Variants in COPS3 observed in about 807,000 individuals in gnomAD.
The protein encoded by COPS3 is COP9 signalosome complex subunit 3.
A neutral mutation model predicts 58.2 loss-of-function variants in COPS3; 10 were observed. That is an observed-to-expected ratio of 0.17 (90% CI 0.11 to 0.29). COPS3 has a LOEUF of 0.29. COPS3 is among the 10% of genes least tolerant of loss of function. The pLI, the probability that COPS3 is intolerant of heterozygous loss-of-function variation, is 1.00. For synonymous variants in COPS3, 187 were observed against 181.7 expected, an observed-to-expected ratio of 1.03 and a Z score of -0.24; for missense variants, 333 against 510.1, an observed-to-expected ratio of 0.65 and a Z score of 3.34.
At position 17,269,503 on chromosome 17, in the gene COPS3, C is replaced by T. The variant is rs139636550; in HGVS notation, c.348+1255G>A. 8.7e-3 allele frequency among the ~76,000 whole-genome samples: 1,318 copies of T among 151,786 alleles called. 20 individuals carry two copies. Among genetic ancestry groups the T allele is most frequent in the African/African-American group, 0.029 (1,190 of 41,396 alleles). Reference sequence around the variant, plus strand: ...CCCAGCTACTCAGGAGGCTGAGGCACGAGAATCGCCTGAAGCTGGAAGGTG... The same window carrying T: ...CCCAGCTACTCAGGAGGCTGAGGCATGAGAATCGCCTGAAGCTGGAAGGTG... On this transcript the variant is annotated intron_variant, in intron 4 of 11. Transcript: ENST00000268717.
chr17:17,278,633 C>A (rs140188299), intron 1 of COPS3, among the ~76,000 whole-genome samples: 65 of 152,176 alleles, frequency 4.3e-4, no homozygotes, highest in African/African-American at 1.5e-3. Context: ...CTTTGTAAAC[C>A]ATTACTCTAA....
chr17:17,269,296 G>T (rs1246466702), intron 4 of COPS3, among the ~76,000 whole-genome samples: 9 of 152,164 alleles, frequency 5.9e-5, no homozygotes, highest in Admixed American at 5.9e-4. Context: ...ATGGTGTCAG[G>T]CACCTGTAAT....
chr17:17,277,874 C>T (rs1043374066), intron 1 of COPS3, among the ~76,000 whole-genome samples: 1 of 151,890 alleles, frequency 6.6e-6, no homozygotes, highest in African/African-American at 2.4e-5. Flanking sequence ...TGGCTCACAC[C>T]TGTAATCCCA....
intron 2 of COPS3, among the ~76,000 whole-genome samples, chr17:17,274,426 C>T (rs376415028): frequency 7.8e-5 from 11 of 141,542 alleles, no homozygotes; most frequent in Middle Eastern, 3.8e-3. Context: ...ATTAGCTTTT[C>T]TTTTTTTTTT....
In COPS3 at chr17:17,276,065, T is replaced by C. The variant is rs370354020; in HGVS notation, c.155A>G (p.Gln52Arg). ...AGCAAGGACGCCCAAGGAGTGTTCT[T>C]GTACATCCAGAGCCCCGAGCACAGT... is the stretch of plus-strand genomic sequence containing the variant. ...LDTVLGALDV[Q>R]EHSLGVLAVL... The change falls in exon 2 of 12, where the codon CAA (glutamine) becomes CGA (arginine). Residue 52 changes from glutamine (Q) to arginine (R), a missense_variant. Coordinates refer to ENST00000268717, the MANE Select transcript of COPS3 (RefSeq NM_003653.4). 3 of 1,614,134 alleles carry C rather than the reference T, an allele frequency of 1.9e-6. No homozygotes were observed.
intron 2 of COPS3, among the ~76,000 whole-genome samples, chr17:17,272,967 G>A (rs918020675): frequency 2.0e-5 from 3 of 152,190 alleles, no homozygotes; most frequent in African/African-American, 7.2e-5. Flanking sequence ...ACAAATTTAA[G>A]CTATTTAAGA....
At chr17:17,278,948 C>T (rs2145268623) in intron 1 of COPS3, among the ~76,000 whole-genome samples, 1 of 151,008 alleles carries the variant, frequency 6.6e-6, no homozygotes, top group East Asian at 1.9e-4. Flanking sequence ...GATCTTGGCT[C>T]ACTGCAAGCT....
intron 8 of COPS3, among the ~76,000 whole-genome samples, chr17:17,259,939 G>A (rs1481367871): frequency 6.6e-6 from 1 of 151,492 alleles, no homozygotes; most frequent in Non-Finnish European, 1.5e-5. Context: ...AGCACAGACA[G>A]AACAGACAGG....
intron 4 of COPS3, among the ~76,000 whole-genome samples, chr17:17,270,198 A>G (rs1567859496): frequency 6.6e-6 from 1 of 152,028 alleles, no homozygotes; most frequent in African/African-American, 2.4e-5. Flanking sequence ...GATGCTGACC[A>G]TTACACTATA....
At position 17,281,139 on chromosome 17, in the gene COPS3, T is replaced by G; in HGVS notation, c.48A>C (p.Ser16=). The G allele has an allele frequency of 6.2e-7, 1 of 1,610,566 alleles. No individual in the cohort carries two copies. Among genetic ancestry groups the G allele is most frequent in the Non-Finnish European group, 8.5e-7 (1 of 1,178,618 alleles). The change falls in exon 1 of 12, where the codon TCA becomes TCC. Residue 16 remains serine (S), a synonymous_variant. Transcript: ENST00000268717. ...EQFVNSVRQL[S]AQGQMTQLCE... is the part of the protein sequence containing the mutation. Reference sequence around the variant, plus strand: ...GGCGGCCTAGGGCGTTACCTTGAGCTGAGAGCTGTCGGACACTGTTCACGA... The same window carrying G: ...GGCGGCCTAGGGCGTTACCTTGAGCGGAGAGCTGTCGGACACTGTTCACGA...
rs542782793 is a variant in COPS3, at chr17:17,265,460, G to A, written c.442-479C>T. On this transcript the variant is annotated intron_variant, in intron 5 of 11. Coordinates refer to ENST00000268717, the MANE Select transcript of COPS3 (RefSeq NM_003653.4). ...GTCACACAGGCTGGAGTGCAGTGGCGTCATCTCAGCTCACTGCAACCTCCA... is the reference window on the plus strand; with the variant it reads ...GTCACACAGGCTGGAGTGCAGTGGCATCATCTCAGCTCACTGCAACCTCCA... Among the ~76,000 whole-genome samples the A allele has an allele frequency of 2.7e-5, 4 of 150,330 alleles. No homozygotes were observed. The East Asian group carries it at 5.9e-4, about 22-fold the overall frequency.
chr17:17,254,873 A>G lies in COPS3; in HGVS notation c.1009T>C (p.Tyr337His). Residue 337 changes from tyrosine (Y) to histidine (H), a missense_variant, in exon 9 of 12, where the codon TAC becomes CAC. Physicochemically the swap from Tyr to His is moderately conservative, Grantham distance 83. Transcript: ENST00000268717. ...AATCCACTTACCATGTGCAGAACGT[A>G]TTTCTCTGCCTCCTGAGGTCCAGAC... ...QLSGPQEAEK[Y>H]VLHMIEDGEI... The G allele has an allele frequency of 1.2e-6, 2 of 1,605,862 alleles. No homozygotes were observed. The highest frequency in any genetic ancestry group is 8.5e-7 in the Non-Finnish European group (1 of 1,173,280).
intron 5 of COPS3, among the ~76,000 whole-genome samples, chr17:17,267,635 C>CAA (rs553294077): frequency 0.012 from 1,263 of 106,952 alleles, 21 homozygotes; most frequent in Admixed American, 0.039. Context: ...GAGACTGTCT[C>CAA]AAAAAAAAAA....
At chr17:17,250,111 T>C (rs565310831) in intron 9 of COPS3, among the ~76,000 whole-genome samples, 1 of 152,276 alleles carries the variant, frequency 6.6e-6, no homozygotes, top group South Asian at 2.1e-4. Flanking sequence ...TGTTCTTGTC[T>C]CGTATGGATT....
Position 17,247,020 on chromosome 17 carries a change from C to G in COPS3, c.*78G>C, listed in dbSNP as rs908657921. On this transcript the variant is annotated 3_prime_UTR_variant, in exon 12 of 12. Coordinates refer to ENST00000268717, the MANE Select transcript of COPS3 (RefSeq NM_003653.4). ...AGTCTCCAGGTGACACAGGCTTGGT[C>G]CTCTCTGCTGCCCTCCGAACACTTG... 7.8e-7 allele frequency: 1 copy of G among 1,288,298 alleles called. No individual in the cohort carries two copies. The highest frequency in any genetic ancestry group is 1.1e-6 in the Non-Finnish European group (1 of 883,162). The allele number at this position is 1,288,298 out of a possible 1,614,324, so 79.8% of individuals were successfully genotyped here.
intron 9 of COPS3, among the ~76,000 whole-genome samples, chr17:17,250,776 C>CA (rs1484648493): frequency 6.6e-6 from 1 of 152,232 alleles, no homozygotes; most frequent in Non-Finnish European, 1.5e-5. Flanking sequence ...TGCTGGCCTA[C>CA]TTGTCTCTAG....
rs10653495 is a variant in COPS3, at chr17:17,271,840, C to CTATATA, written c.186-838_186-833dup. Among the ~76,000 whole-genome samples, 920 of 139,132 alleles carry CTATATA rather than the reference C, an allele frequency of 6.6e-3. 2 individuals are homozygous for CTATATA. The highest frequency in any genetic ancestry group is 0.011 in the Middle Eastern group (3 of 274). The allele number at this position is 139,132 out of a possible 152,430, so 91.3% of individuals were successfully genotyped here. On this transcript the variant is annotated intron_variant, in intron 2 of 11. Coordinates refer to ENST00000268717, the MANE Select transcript of COPS3 (RefSeq NM_003653.4). ...TCTCAAAAAAAAAATCTATATATAT[C>CTATATA]TATATATATATATATATACACACAT... is the stretch of plus-strand genomic sequence containing the variant.
intron 6 of COPS3, among the ~76,000 whole-genome samples, chr17:17,264,105 G>A (rs2048170966): frequency 6.6e-6 from 1 of 152,216 alleles, no homozygotes; most frequent in African/African-American, 2.4e-5. Flanking sequence ...AGCCACGGAT[G>A]TGTGTACATG....
chr17:17,263,243 G>A (rs1285473998), intron 6 of COPS3, among the ~76,000 whole-genome samples: 3 of 149,754 alleles, frequency 2.0e-5, no homozygotes, highest in African/African-American at 4.9e-5. Flanking sequence ...AGCCGAGATC[G>A]TGCCACTGCA....
Sources: gnomAD v4.1 joint callset for allele counts (sites outside exome capture counted in the v4.1 genomes callset) on GRCh38, gnomAD v4.1.1 for gene constraint, MANE v1.5 for transcripts, NCBI Gene and HGNC (gene_info 2026-07-23, HGNC 2026-07-21) for gene names.